The following ENKUR variants were observed in gnomAD, a reference collection of about 807,000 sequenced individuals.
The protein encoded by ENKUR is enkurin.
In ENKUR, 19 loss-of-function variants were observed where a neutral mutation model predicts 27.6. The ratio of observed to expected loss-of-function variants is 0.69; its 90% CI spans 0.48 to 1.01. ENKUR has a LOEUF of 1.01. ENKUR is among the 50% of genes least tolerant of loss of function. ENKUR has a pLI of 0.00. For synonymous variants in ENKUR, 117 were observed against 96.9 expected (o/e 1.21, Z -1.22); for missense variants, 312 against 310.5 (o/e 1.00, Z -0.04).
At chr10:25,022,980 A>C (rs532505426) in intron 2 of ENKUR, among the ~76,000 whole-genome samples, 1 of 152,336 alleles carries the variant, frequency 6.6e-6, no homozygotes, top group East Asian at 1.9e-4. Flanking sequence ...AAAAGATATC[A>C]TTAAAAGGAT....
At chr10:25,016,232 CCCTCTTT>C (rs1473377815), upstream of ENKUR, 101 of 1,072,956 alleles carry the variant, frequency 9.4e-5, no homozygotes, top group East Asian at 4.6e-3. Context: ...CTCCCCTCTT[CCCTCTTT>C]CTGCAGCGCC....
intron 1 of ENKUR, among the ~76,000 whole-genome samples, chr10:25,008,816 T>C (rs1850374493): frequency 6.6e-6 from 1 of 152,222 alleles, no homozygotes; most frequent in Admixed American, 6.5e-5. Flanking sequence ...CGTATGTTTA[T>C]TGTGGCACTA....
chr10:25,044,599 G>A (rs778876263), intron 2 of ENKUR, among the ~76,000 whole-genome samples: 16 of 152,118 alleles, frequency 1.1e-4, no homozygotes, highest in Non-Finnish European at 1.9e-4. Context: ...GTCTCGCTAT[G>A]TTGCCCAGGC....
At chr10:25,000,730 C>T (rs1279245645) in intron 1 of ENKUR, among the ~76,000 whole-genome samples, 1 of 152,066 alleles carries the variant, frequency 6.6e-6, no homozygotes, top group East Asian at 1.9e-4. Context: ...TATCCAGCCA[C>T]CAATCACTTT....
chr10:25,036,492 A>T (rs1343329211), intron 2 of ENKUR, among the ~76,000 whole-genome samples: 1 of 152,184 alleles, frequency 6.6e-6, no homozygotes, highest in Non-Finnish European at 1.5e-5. Context: ...AGATGTTTTT[A>T]AAGTATTTGT....
intron 3 of ENKUR, among the ~76,000 whole-genome samples, chr10:24,990,959 G>C (rs1459429608): frequency 6.6e-6 from 1 of 152,164 alleles, no homozygotes; most frequent in African/African-American, 2.4e-5. Context: ...AATTAGCCAG[G>C]CATCGTGGCA....
rs1179458233 is a variant in ENKUR at position 25,021,201 on chromosome 10, T to TA, written c.38-25333dup. Reference sequence around the variant, plus strand: ...GTCAGTGAGTGACAATGATTAATCTTACTGTAAATATTTTGTGCTAACCAC... The same window carrying TA: ...GTCAGTGAGTGACAATGATTAATCTTAACTGTAAATATTTTGTGCTAACCAC... On this transcript the variant is annotated intron_variant, in intron 2 of 5. Coordinates refer to the ENKUR transcript ENST00000615958. Among the ~76,000 whole-genome samples the TA allele has an allele frequency of 9.2e-5, 14 of 152,324 alleles. No homozygotes were observed. In the East Asian group the frequency reaches 2.7e-3, roughly 29 times the overall value.
At chr10:24,989,123 T>C (rs556094418) in intron 4 of ENKUR, among the ~76,000 whole-genome samples, 2 of 152,150 alleles carry the variant, frequency 1.3e-5, no homozygotes, top group Non-Finnish European at 2.9e-5. Context: ...TTCAGCATCA[T>C]TTAGGTGTAA....
At chr10:25,057,788 C>A (rs1408402308) in intron 2 of ENKUR, among the ~76,000 whole-genome samples, 1 of 152,084 alleles carries the variant, frequency 6.6e-6, no homozygotes, top group African/African-American at 2.4e-5. Context: ...TAAGAGGCAG[C>A]CTGCACCTGT....
At chr10:25,032,314 A>C (rs1183526604) in intron 2 of ENKUR, among the ~76,000 whole-genome samples, 8 of 137,202 alleles carry the variant, frequency 5.8e-5, no homozygotes, top group Admixed American at 5.7e-4. Flanking sequence ...AGAGTAAAGA[A>C]GGGGGGGGGG....
chr10:25,005,489 T>C (rs578037258), intron 1 of ENKUR, among the ~76,000 whole-genome samples: 1 of 152,248 alleles, frequency 6.6e-6, no homozygotes, highest in South Asian at 2.1e-4. Context: ...ATGGGCAAAA[T>C]AGGCATCAAG....
intron 2 of ENKUR, among the ~76,000 whole-genome samples, chr10:25,039,573 C>G (rs965885670): frequency 2.6e-5 from 4 of 151,970 alleles, no homozygotes; most frequent in Non-Finnish European, 5.9e-5. Context: ...GAGTGAGACC[C>G]TTGTTTCAAA....
At chr10:25,021,086 C>T (rs1342303044), upstream of ENKUR, among the ~76,000 whole-genome samples, 2 of 152,170 alleles carry the variant, frequency 1.3e-5, no homozygotes, top group African/African-American at 4.8e-5. Flanking sequence ...CCACGGTATT[C>T]TCTGAAGGTT....
At position 24,990,559 on chromosome 10, in the gene ENKUR, C is replaced by T. The variant is rs1169211853; in HGVS notation, c.498G>A (p.Lys166=). The T allele has an allele frequency of 1.2e-6, 2 of 1,613,510 alleles. No individual in the cohort carries two copies. The highest frequency in any genetic ancestry group is 8.5e-7 in the Non-Finnish European group (1 of 1,179,942). ...EYICKRNEEI[K]KAQEDYDRYI... is the part of the protein sequence containing the mutation. ...AACGATCATAGTCTTCTTGGGCTTT[C>T]TTTATTTCCTCGTTTCGCTTACATA... The change falls in exon 4 of 6, where the codon AAG becomes AAA. Residue 166 remains lysine (K), a synonymous_variant. Transcript: ENST00000331161.
chr10:24,990,399 G>C (rs1003959760), intron 4 of ENKUR, 64 bp downstream of exon 4: 205 of 1,542,208 alleles, frequency 1.3e-4, no homozygotes, highest in South Asian at 4.2e-4. Context: ...CAAAGTGATG[G>C]TACACCTTTC....
Position 24,999,405 on chromosome 10 carries a change from T to C in ENKUR, c.219A>G (p.Pro73=). The part of the protein sequence containing the change: ...LKKHSKEKTL[P]PKKNFDRNVP... Reference sequence around the variant, plus strand: ...ATAAAGCATGATAAAACCTACTGGGTGGTAGAGTTTTTTCCTTTGAATGTT... The same window carrying C: ...ATAAAGCATGATAAAACCTACTGGGCGGTAGAGTTTTTTCCTTTGAATGTT... The change falls in exon 2 of 6, where the codon CCA becomes CCG. Residue 73 remains proline, a synonymous_variant. Coordinates refer to ENST00000331161, the MANE Select transcript of ENKUR (RefSeq NM_145010.4). 1.9e-6 allele frequency: 3 copies of C among 1,604,684 alleles called. No homozygotes were observed. Among genetic ancestry groups the C allele is most frequent in the Non-Finnish European group, 2.5e-6 (3 of 1,177,590 alleles).
chr10:24,990,663 A>G (rs1431330546), intron 3 of ENKUR, 54 bp from the exon 4 acceptor site: 2 of 1,491,388 alleles, frequency 1.3e-6, no homozygotes, highest in African/African-American at 2.8e-5. Context: ...AATCTTACAT[A>G]TGGGTACGTA....
At chr10:25,029,868 G>C (rs896647493) in intron 2 of ENKUR, among the ~76,000 whole-genome samples, 2 of 152,204 alleles carry the variant, frequency 1.3e-5, no homozygotes, top group African/African-American at 4.8e-5. Flanking sequence ...GCAATACTTT[G>C]ATCAGCTGGC....
intron 1 of ENKUR, among the ~76,000 whole-genome samples, chr10:25,006,704 T>C (rs530455043): frequency 2.6e-5 from 4 of 152,326 alleles, no homozygotes; most frequent in African/African-American, 9.6e-5. Flanking sequence ...TGATATATAA[T>C]AAATTATCAA....
Sources: allele counts gnomAD v4.1 joint callset (sites outside exome capture counted in the v4.1 genomes callset), GRCh38; gene constraint gnomAD v4.1.1; transcripts MANE v1.5; gene names NCBI Gene and HGNC (gene_info 2026-07-23, HGNC 2026-07-21).